The following SOX5 variants were observed in gnomAD, a reference collection of about 807,000 sequenced individuals.
The protein encoded by SOX5 is transcription factor SOX-5.
SOX5 carries 9 observed loss-of-function variants against 92.0 expected under a neutral mutation model. That is an observed-to-expected ratio of 0.10 (90% CI 0.06 to 0.17). SOX5 has a LOEUF of 0.17. Among genes scored for constraint, SOX5 ranks in the 10% least tolerant of loss-of-function variants. The probability of loss-of-function intolerance (pLI) is 1.00; values close to 1 mark genes in which losing one functional copy is unlikely to be tolerated. For missense variants in SOX5, 642 were observed against 944.5 expected (o/e 0.68, Z 4.20); for synonymous variants, 344 against 336.3 (o/e 1.02, Z -0.25).
At chr12:23,978,922 T>C (rs536375971) in intron 4 of SOX5, among the ~76,000 whole-genome samples, 2 of 152,342 alleles carry the variant, frequency 1.3e-5, no homozygotes, top group Admixed American at 6.5e-5. Flanking sequence ...TCCTCCTTTA[T>C]GTCTTTAGAT....
chr12:24,355,282 C>CAATTTTTTTTTTTTTTTTTTTTT (rs1221012836), intron 2 of SOX5, among the ~76,000 whole-genome samples: 2 of 71,920 alleles, frequency 2.8e-5, no homozygotes, highest in African/African-American at 7.4e-5. Flanking sequence ...AGGGGTGCAT[C>CAATTTTTTTTTTTTTTTTTTTTT]TTTTTTTTTT....
At chr12:23,626,178 C>T (rs1247947442) in intron 8 of SOX5, among the ~76,000 whole-genome samples, 1 of 151,732 alleles carries the variant, frequency 6.6e-6, no homozygotes, top group East Asian at 1.9e-4. Context: ...TTGGAAATTC[C>T]TATTTTTAAA....
At chr12:24,123,331 C>CAG (rs1348810980) in intron 4 of SOX5, among the ~76,000 whole-genome samples, 1 of 152,204 alleles carries the variant, frequency 6.6e-6, no homozygotes, top group Non-Finnish European at 1.5e-5. Context: ...CATTATATCT[C>CAG]AGAGATAGAG....
intron 1 of SOX5, among the ~76,000 whole-genome samples, chr12:24,413,299 A>T (rs1964449223): frequency 6.6e-6 from 1 of 152,192 alleles, no homozygotes; most frequent in African/African-American, 2.4e-5. Flanking sequence ...ATAATTATAT[A>T]ATATCCCTCT....
At chr12:23,818,039 A>G (rs1224096416) in intron 3 of SOX5, among the ~76,000 whole-genome samples, 2 of 152,244 alleles carry the variant, frequency 1.3e-5, no homozygotes, top group Non-Finnish European at 2.9e-5. Flanking sequence ...GATTTTATAC[A>G]AGTTGTTAAA....
intron 11 of SOX5, among the ~76,000 whole-genome samples, chr12:23,559,563 A>T (rs1945827034): frequency 6.6e-6 from 1 of 152,222 alleles, no homozygotes; most frequent in South Asian, 2.1e-4. Flanking sequence ...GGTACATATC[A>T]CTGAGAAATC....
intron 2 of SOX5, among the ~76,000 whole-genome samples, chr12:23,871,820 T>C (rs1158484878): frequency 6.6e-6 from 1 of 152,038 alleles, no homozygotes; most frequent in Non-Finnish European, 1.5e-5. Flanking sequence ...ACCCTGAAAG[T>C]ATTATGGGTT....
chr12:24,335,830 C>A (rs1255417506), intron 2 of SOX5, among the ~76,000 whole-genome samples: 2 of 151,450 alleles, frequency 1.3e-5, no homozygotes, highest in African/African-American at 4.9e-5. Flanking sequence ...AGTTTTCAGA[C>A]TAGGCACATT....
chr12:24,447,382 G>T (rs1941643631), intron 1 of SOX5, among the ~76,000 whole-genome samples: 1 of 152,116 alleles, frequency 6.6e-6, no homozygotes, highest in Non-Finnish European at 1.5e-5. Context: ...CAGACTGAGG[G>T]ACATTCTAAA....
chr12:24,004,508 T>C (rs920824396), intron 4 of SOX5, among the ~76,000 whole-genome samples: 1 of 152,016 alleles, frequency 6.6e-6, no homozygotes, highest in Non-Finnish European at 1.5e-5. Context: ...TATATACATA[T>C]AAAAAGATGA....
intron 2 of SOX5, among the ~76,000 whole-genome samples, chr12:23,890,491 AAC>A (rs2097119048): frequency 6.6e-6 from 1 of 152,154 alleles, no homozygotes; most frequent in Non-Finnish European, 1.5e-5. Flanking sequence ...ACACTGGAAC[AAC>A]AATCTAACCA....
chr12:24,331,873 A>AAAAAAAAAAAT (rs777785887), intron 2 of SOX5, among the ~76,000 whole-genome samples: 2 of 141,200 alleles, frequency 1.4e-5, no homozygotes, highest in Non-Finnish European at 3.2e-5. Flanking sequence ...AAAAAAAAAA[A>AAAAAAAAAAAT]AAGGAAAGAA....
At chr12:24,013,239 G>C (rs962884602) in intron 4 of SOX5, among the ~76,000 whole-genome samples, 2 of 152,114 alleles carry the variant, frequency 1.3e-5, no homozygotes, top group Non-Finnish European at 2.9e-5. Context: ...GCACATTAGA[G>C]CTCCAATACT....
intron 4 of SOX5, among the ~76,000 whole-genome samples, chr12:24,057,093 G>A (rs1958207603): frequency 6.6e-6 from 1 of 151,046 alleles, no homozygotes; most frequent in Non-Finnish European, 1.5e-5. Flanking sequence ...AGAGGGAGAT[G>A]TACTCCAAAA....
intron 6 of SOX5, among the ~76,000 whole-genome samples, chr12:23,704,687 C>CATATATGTAT: frequency 1.1e-5 from 1 of 90,134 alleles, no homozygotes; most frequent in Admixed American, 1.3e-4. Context: ...TATATGCATG[C>CATATATGTAT]ATATATATAT....
chr12:24,097,959 T>C lies in SOX5; in HGVS notation c.-2+115384A>G, dbSNP rs142858717. On this transcript the variant is annotated intron_variant, in intron 4 of 4. Coordinates refer to the SOX5 transcript ENST00000446891. The stretch of plus-strand genomic sequence containing the variant: ...CACTGTTACAATTTTTTCAGAGAAG[T>C]TCTGAGAATCTACACTATTCTATGT... Among the ~76,000 whole-genome samples the C allele has an allele frequency of 6.0e-5, 9 of 150,476 alleles. No homozygotes were observed. The South Asian group carries it at 1.0e-3, about 18-fold the overall frequency.
chr12:24,481,318 ATAGT>A lies in SOX5; in HGVS notation c.-251+81007_-251+81010del, dbSNP rs566292144. Among the ~76,000 whole-genome samples the A allele has an allele frequency of 1.8e-3, 280 of 152,242 alleles. 1 individual carries two copies. Among genetic ancestry groups the A allele is most frequent in the African/African-American group, 6.2e-3 (259 of 41,548 alleles). ...AGGGATGGTTAATGGGTACAAGGAA[ATAGT>A]TAGAAAGAATGAATAAGACCTAGTA... On this transcript the variant is annotated intron_variant, in intron 1 of 4. Transcript: ENST00000446891.
chr12:24,028,350 GC>G (rs1955109022), intron 4 of SOX5, among the ~76,000 whole-genome samples: 1 of 152,114 alleles, frequency 6.6e-6, no homozygotes, highest in East Asian at 1.9e-4. Context: ...GAATGAATTT[GC>G]TTGTTTCTTA....
intron 2 of SOX5, among the ~76,000 whole-genome samples, chr12:24,277,522 A>G (rs1256211179): frequency 1.4e-5 from 2 of 146,476 alleles, no homozygotes; most frequent in South Asian, 2.1e-4. Flanking sequence ...ATATATATTT[A>G]TATGTATATA....
Sources: allele counts gnomAD v4.1 joint callset (sites outside exome capture counted in the v4.1 genomes callset), GRCh38; gene constraint gnomAD v4.1.1; transcripts MANE v1.5; gene names NCBI Gene and HGNC (gene_info 2026-07-23, HGNC 2026-07-21).